The following PDGFRL variants were observed in gnomAD, a reference collection of about 807,000 sequenced individuals.
PDGFRL encodes platelet-derived growth factor receptor-like protein.
A neutral mutation model predicts 37.2 loss-of-function variants in PDGFRL; 46 were observed. That is an observed-to-expected ratio of 1.24 (90% CI 0.98 to 1.58). The LOEUF (loss-of-function observed/expected upper bound fraction) is 1.58, where lower values mean the gene tolerates loss of function less well. Among genes scored for constraint, PDGFRL ranks in the 40% most tolerant of loss-of-function variants. The pLI, the probability that PDGFRL is intolerant of heterozygous loss-of-function variation, is 0.00. For synonymous variants in PDGFRL, 251 were observed against 184.3 expected (o/e 1.36, Z -2.93); for missense variants, 692 against 467.6 (o/e 1.48, Z -4.43).
At chr8:17,622,227 G>A (rs568950887) in intron 3 of PDGFRL, among the ~76,000 whole-genome samples, 46 of 152,302 alleles carry the variant, frequency 3.0e-4, no homozygotes, top group African/African-American at 1.1e-3. Flanking sequence ...GAAGTTTAGG[G>A]GATGAAGTTC....
chr8:17,598,812 A>G (rs1016430324), intron 2 of PDGFRL, among the ~76,000 whole-genome samples: 2 of 152,092 alleles, frequency 1.3e-5, no homozygotes, highest in Non-Finnish European at 2.9e-5. Context: ...TTCTCATGGT[A>G]GTTAATACGT....
chr8:17,638,233 A>G (rs1454387574), intron 5 of PDGFRL, among the ~76,000 whole-genome samples: 1 of 152,038 alleles, frequency 6.6e-6, no homozygotes, highest in African/African-American at 2.4e-5. Flanking sequence ...AGAGGTTTTG[A>G]TAGGTTGTGC....
At chr8:17,617,306 C>T (rs1252097413) in intron 2 of PDGFRL, among the ~76,000 whole-genome samples, 1 of 152,134 alleles carries the variant, frequency 6.6e-6, no homozygotes, top group Non-Finnish European at 1.5e-5. Context: ...TTCTGCTTCT[C>T]TTAGGACGCT....
chr8:17,626,489 G>A (rs1308588861), intron 3 of PDGFRL, among the ~76,000 whole-genome samples: 1 of 152,152 alleles, frequency 6.6e-6, no homozygotes, highest in Non-Finnish European at 1.5e-5. Context: ...CTTGGCTCAT[G>A]AACCATTTGA....
At chr8:17,608,706 C>T (rs1361015418) in intron 2 of PDGFRL, among the ~76,000 whole-genome samples, 1 of 152,136 alleles carries the variant, frequency 6.6e-6, no homozygotes, top group Non-Finnish European at 1.5e-5. Context: ...GTCCCAACGA[C>T]AAGCAGCTTA....
At chr8:17,604,685 T>C (rs548964608) in intron 2 of PDGFRL, among the ~76,000 whole-genome samples, 23 of 152,216 alleles carry the variant, frequency 1.5e-4, no homozygotes, top group African/African-American at 4.8e-4. Flanking sequence ...TGTATACATA[T>C]GTAACAAACC....
intron 2 of PDGFRL, among the ~76,000 whole-genome samples, chr8:17,611,505 C>A (rs1366452356): frequency 6.6e-6 from 1 of 152,088 alleles, no homozygotes; most frequent in African/African-American, 2.4e-5. Flanking sequence ...GGAATAGGAC[C>A]CTGACGAGTA....
intron 2 of PDGFRL, among the ~76,000 whole-genome samples, chr8:17,620,419 T>C (rs966085518): frequency 6.6e-6 from 1 of 152,146 alleles, no homozygotes; most frequent in African/African-American, 2.4e-5. Context: ...TGCAGAGAAA[T>C]GGAGAAAAAG....
At chr8:17,620,519 G>A (rs1468292516) in intron 2 of PDGFRL, among the ~76,000 whole-genome samples, 2 of 152,166 alleles carry the variant, frequency 1.3e-5, no homozygotes, top group African/African-American at 2.4e-5. Context: ...TTTGACAACC[G>A]ATGTACCAAT....
intron 2 of PDGFRL, among the ~76,000 whole-genome samples, chr8:17,609,316 G>T (rs1169869329): frequency 6.6e-6 from 1 of 152,066 alleles, no homozygotes; most frequent in African/African-American, 2.4e-5. Flanking sequence ...AGACCAGCCT[G>T]GCCAACATGA....
chr8:17,619,254 C>G (rs975227916), intron 2 of PDGFRL, among the ~76,000 whole-genome samples: 3 of 152,172 alleles, frequency 2.0e-5, no homozygotes, highest in African/African-American at 4.8e-5. Context: ...TGCTGAGGCT[C>G]TCAGCCTCAG....
chr8:17,629,857 C>T (rs1336363472), intron 4 of PDGFRL, among the ~76,000 whole-genome samples: 1 of 152,146 alleles, frequency 6.6e-6, no homozygotes, highest in Non-Finnish European at 1.5e-5. Flanking sequence ...ATGACTCCCT[C>T]AGCCACAGTC....
At chr8:17,581,052 G>T (rs1803697058) in intron 1 of PDGFRL, among the ~76,000 whole-genome samples, 1 of 152,048 alleles carries the variant, frequency 6.6e-6, no homozygotes, top group South Asian at 2.1e-4. Flanking sequence ...CATTTGCAAA[G>T]ACTCCATTCC....
chr8:17,599,022 G>A (rs990728197), intron 2 of PDGFRL, among the ~76,000 whole-genome samples: 1 of 152,164 alleles, frequency 6.6e-6, no homozygotes, highest in African/African-American at 2.4e-5. Flanking sequence ...AGCAATGTGA[G>A]AACAGACTAA....
At chr8:17,616,319 C>T (rs1204088978) in intron 2 of PDGFRL, among the ~76,000 whole-genome samples, 1 of 152,074 alleles carries the variant, frequency 6.6e-6, no homozygotes, top group Admixed American at 6.6e-5. Flanking sequence ...GTCAGCCTCC[C>T]CAGTAGCTGG....
intron 4 of PDGFRL, among the ~76,000 whole-genome samples, chr8:17,631,143 A>AC (rs1045017060): frequency 6.6e-6 from 1 of 151,938 alleles, no homozygotes; most frequent in Admixed American, 6.5e-5. Context: ...ACGCTGCAAC[A>AC]CCCCCCACAT....
At chr8:17,614,489 G>A (rs144878629) in intron 2 of PDGFRL, among the ~76,000 whole-genome samples, 3 of 152,258 alleles carry the variant, frequency 2.0e-5, no homozygotes, top group Admixed American at 1.3e-4. Flanking sequence ...AGTCTTTATC[G>A]CTCTTGATTC....
In PDGFRL at chr8:17,577,869, C is replaced by A. The variant is rs114721268; in HGVS notation, c.55+562C>A. On this transcript the variant is annotated intron_variant, in intron 1 of 5. Coordinates refer to ENST00000251630, the MANE Select transcript of PDGFRL (RefSeq NM_001372073.1). ...ACAAAAATGTCAGTGTATGAAACTTCAAAACGAATCAAAAGCCCACGGCTT... is the reference window on the plus strand; with the variant it reads ...ACAAAAATGTCAGTGTATGAAACTTAAAAACGAATCAAAAGCCCACGGCTT... Among the ~76,000 whole-genome samples the A allele has an allele frequency of 3.9e-3, 594 of 151,788 alleles. 6 individuals carry two copies. Among genetic ancestry groups the A allele is most frequent in the African/African-American group, 0.014 (569 of 41,368 alleles).
intron 3 of PDGFRL, 100 bp from the exon 4 acceptor site, chr8:17,628,387 C>T (rs867569536): frequency 7.2e-6 from 6 of 838,392 alleles, no homozygotes; most frequent in Middle Eastern, 2.5e-4. Flanking sequence ...TTTCCTACTC[C>T]TAAGGACTCA....
Sources: gnomAD v4.1 joint callset for allele counts (sites outside exome capture counted in the v4.1 genomes callset) on GRCh38, gnomAD v4.1.1 for gene constraint, MANE v1.5 for transcripts, NCBI Gene and HGNC (gene_info 2026-07-23, HGNC 2026-07-21) for gene names.